Variants in RIT2 observed in about 807,000 individuals in gnomAD.
RIT2 encodes Ras like without CAAX 2.
A neutral mutation model predicts 23.7 loss-of-function variants in RIT2; 24 were observed. That is an observed-to-expected ratio of 1.01 (90% CI 0.73 to 1.43). The LOEUF (loss-of-function observed/expected upper bound fraction) is 1.43. Among genes scored for constraint, RIT2 ranks in the 40% most tolerant of loss-of-function variants. The probability of loss-of-function intolerance (pLI) is 0.00; values close to 1 mark genes in which losing one functional copy is unlikely to be tolerated. For missense variants in RIT2, 236 were observed against 266.9 expected, an observed-to-expected ratio of 0.88 and a Z score of 0.81; for synonymous variants, 107 against 91.1, an observed-to-expected ratio of 1.17 and a Z score of -0.99.
intron 3 of RIT2, among the ~76,000 whole-genome samples, chr18:42,964,987 CT>C (rs1452251077): frequency 1.3e-5 from 2 of 152,198 alleles, no homozygotes; most frequent in Admixed American, 1.3e-4. Flanking sequence ...GATTCTCATT[CT>C]TAAAACTTAA....
At chr18:42,899,476 A>G (rs1055219219) in intron 4 of RIT2, among the ~76,000 whole-genome samples, 6 of 151,792 alleles carry the variant, frequency 4.0e-5, no homozygotes, top group African/African-American at 1.4e-4. Context: ...TCATTTGTCC[A>G]TTAACTCACT....
chr18:42,749,906 A>G (rs1000193976), intron 4 of RIT2, among the ~76,000 whole-genome samples: 2 of 151,860 alleles, frequency 1.3e-5, no homozygotes, highest in South Asian at 4.1e-4. Flanking sequence ...CAAATTGTTT[A>G]CAGTAACATT....
intron 2 of RIT2, among the ~76,000 whole-genome samples, chr18:42,997,071 TG>T (rs1343113718): frequency 1.3e-5 from 2 of 152,148 alleles, no homozygotes; most frequent in Non-Finnish European, 2.9e-5. Context: ...GGCAACAGCC[TG>T]TTGTTTCAGA....
chr18:42,746,514 G>C (rs1428375124), intron 4 of RIT2, among the ~76,000 whole-genome samples: 1 of 151,754 alleles, frequency 6.6e-6, no homozygotes, highest in East Asian at 1.9e-4. Flanking sequence ...GAGTAAAAGG[G>C]GAATATTTTA....
In RIT2 at chr18:42,857,479, G is replaced by A. The variant is rs182259404; in HGVS notation, c.426+66093C>T. On this transcript the variant is annotated intron_variant, in intron 4 of 4. Transcript: ENST00000326695. ...CCTGACCTAGTCTAACAGATCCTTA[G>A]CATAAGAGCTTATAATTGGATACAC... 1.6e-3 allele frequency among the ~76,000 whole-genome samples: 236 copies of A among 152,236 alleles called. 1 individual carries two copies. The highest frequency in any genetic ancestry group is 5.3e-3 in the African/African-American group (222 of 41,538).
intron 3 of RIT2, among the ~76,000 whole-genome samples, chr18:42,939,014 G>A (rs919251520): frequency 2.6e-5 from 4 of 152,082 alleles, no homozygotes; most frequent in African/African-American, 9.7e-5. Context: ...CCAAAGTGCT[G>A]GGGTTATACT....
intron 1 of RIT2, among the ~76,000 whole-genome samples, chr18:43,059,020 CCCCACA>C (rs1912577235): frequency 6.6e-6 from 1 of 152,070 alleles, no homozygotes; most frequent in South Asian, 2.1e-4. Flanking sequence ...TCCCTACTGG[CCCCACA>C]CCAAAAACGA....
chr18:42,848,679 C>A (rs1001137785), intron 4 of RIT2, among the ~76,000 whole-genome samples: 2 of 152,184 alleles, frequency 1.3e-5, no homozygotes, highest in African/African-American at 2.4e-5. Context: ...GTTCAAGCTG[C>A]TGCTTGACTA....
chr18:42,881,920 A>C (rs552507463), intron 4 of RIT2, among the ~76,000 whole-genome samples: 1 of 152,236 alleles, frequency 6.6e-6, no homozygotes, highest in East Asian at 1.9e-4. Context: ...TTGTCATCTC[A>C]GGCATACAGG....
At chr18:43,077,939 G>A (rs142781268) in intron 1 of RIT2, among the ~76,000 whole-genome samples, 3,225 of 152,134 alleles carry the variant, frequency 0.021, 55 homozygotes, top group Non-Finnish European at 0.035. Context: ...CTTCTCTTCC[G>A]CTAATTCAGG....
chr18:42,974,030 T>C (rs754281202), intron 3 of RIT2, 44 bp downstream of exon 3: 3 of 1,294,650 alleles, frequency 2.3e-6, no homozygotes, highest in South Asian at 1.3e-5. Flanking sequence ...AGCTAAAGCA[T>C]AAAATAAACT....
intron 4 of RIT2, among the ~76,000 whole-genome samples, chr18:42,886,470 A>G (rs1908025556): frequency 6.6e-6 from 1 of 152,230 alleles, no homozygotes; most frequent in African/African-American, 2.4e-5. Context: ...TGTTTCTGCT[A>G]TGGAATAGAG....
In RIT2 at chr18:42,957,531, C is replaced by T. The variant is rs551113003; in HGVS notation, c.234+16543G>A. The stretch of plus-strand genomic sequence containing the variant: ...ACGTAAATTAAATAATTCCTGTAAT[C>T]CCAGCACTTTGGGAGGCCGAAGCAG... On this transcript the variant is annotated intron_variant, in intron 3 of 4. Coordinates refer to ENST00000326695, the MANE Select transcript of RIT2 (RefSeq NM_002930.4). 7.2e-4 allele frequency among the ~76,000 whole-genome samples: 110 copies of T among 152,232 alleles called. 1 individual carries two copies. The highest frequency in any genetic ancestry group is 9.1e-4 in the Non-Finnish European group (62 of 68,024).
intron 4 of RIT2, among the ~76,000 whole-genome samples, chr18:42,746,551 A>T (rs1912921323): frequency 1.3e-5 from 2 of 152,128 alleles, no homozygotes; most frequent in Non-Finnish European, 2.9e-5. Context: ...CATTATACTA[A>T]TTAATTCTTA....
At chr18:43,012,717 T>G (rs980333927) in intron 2 of RIT2, among the ~76,000 whole-genome samples, 1 of 112,274 alleles carries the variant, frequency 8.9e-6, no homozygotes, top group Non-Finnish European at 1.8e-5. Flanking sequence ...GTAATTTTTA[T>G]TCAACATTTA....
chr18:43,057,673 G>A (rs1912537222), intron 1 of RIT2, among the ~76,000 whole-genome samples: 1 of 151,486 alleles, frequency 6.6e-6, no homozygotes, highest in African/African-American at 2.4e-5. Flanking sequence ...TTTAGTGTGG[G>A]TTTAAGATTA....
intron 4 of RIT2, among the ~76,000 whole-genome samples, chr18:42,906,886 C>A (rs375346509): frequency 1.3e-5 from 2 of 152,118 alleles, no homozygotes; most frequent in African/African-American, 4.8e-5. Context: ...ACTAGCCAAC[C>A]GTCCTGCCTA....
At chr18:43,046,523 T>C (rs1161855216) in intron 1 of RIT2, among the ~76,000 whole-genome samples, 1 of 152,174 alleles carries the variant, frequency 6.6e-6, no homozygotes, top group Admixed American at 6.5e-5. Flanking sequence ...TACTGGCTTC[T>C]AGTCACCTGA....
At chr18:43,081,770 A>C (rs1913163305) in intron 1 of RIT2, among the ~76,000 whole-genome samples, 1 of 152,158 alleles carries the variant, frequency 6.6e-6, no homozygotes, top group African/African-American at 2.4e-5. Context: ...TAATCAACAC[A>C]ATAACCTGTT....
Sources: gnomAD v4.1 joint callset for allele counts (sites outside exome capture counted in the v4.1 genomes callset) on GRCh38, gnomAD v4.1.1 for gene constraint, MANE v1.5 for transcripts, NCBI Gene and HGNC (gene_info 2026-07-23, HGNC 2026-07-21) for gene names.